The following MIPOL1 variants were observed in gnomAD, a reference collection of about 807,000 sequenced individuals.
The protein encoded by MIPOL1 is mirror-image polydactyly gene 1 protein.
MIPOL1 carries 57 observed loss-of-function variants against 60.9 expected under a neutral mutation model. The ratio of observed to expected loss-of-function variants is 0.94; its 90% CI spans 0.76 to 1.17. The LOEUF is 1.17. Ranked by LOEUF, MIPOL1 falls within the 50% of genes most tolerant of loss-of-function variation. MIPOL1 has a pLI of 0.00. For missense variants in MIPOL1, 551 were observed against 511.6 expected (o/e 1.08, Z -0.74); for synonymous variants, 179 against 168.8 (o/e 1.06, Z -0.47).
chr14:37,475,673 A>T (rs2094761401), intron 11 of MIPOL1, among the ~76,000 whole-genome samples: 2 of 152,106 alleles, frequency 1.3e-5, no homozygotes, highest in South Asian at 4.1e-4. Context: ...TTGTTGAAAA[A>T]AAAAGAAACT....
chr14:37,323,167 G>A (rs1428359194), intron 9 of MIPOL1, among the ~76,000 whole-genome samples: 2 of 152,050 alleles, frequency 1.3e-5, no homozygotes, highest in Admixed American at 1.3e-4. Context: ...GTGTAAAGAA[G>A]GCATCCAGTT....
intron 11 of MIPOL1, among the ~76,000 whole-genome samples, chr14:37,431,613 C>G (rs1405638664): frequency 2.0e-5 from 2 of 98,496 alleles, no homozygotes; most frequent in Admixed American, 3.4e-4. Flanking sequence ...GAGTCTTGCT[C>G]TGTCGCCCAG....
intron 7 of MIPOL1, among the ~76,000 whole-genome samples, chr14:37,299,026 T>C (rs1364398774): frequency 1.3e-5 from 2 of 151,866 alleles, no homozygotes; most frequent in Non-Finnish European, 1.5e-5. Flanking sequence ...CTATTCACAA[T>C]AGCAAAGACT....
rs148989239 is a variant in MIPOL1 at position 37,484,952 on chromosome 14, G to C, written c.1032-14956G>C. On this transcript the variant is annotated intron_variant, in intron 11 of 12. Coordinates refer to ENST00000684589, the MANE Select transcript of MIPOL1 (RefSeq NM_001388067.1). ...GGTGGTTTGCTGCACCCATCAACCC[G>C]TTACCTACATTAGGTATTTCTCCTA... Among the ~76,000 whole-genome samples, 1,049 of 152,056 alleles carry C rather than the reference G, an allele frequency of 6.9e-3. 11 individuals are homozygous for C. The highest frequency in any genetic ancestry group is 0.024 in the African/African-American group (1,009 of 41,486).
chr14:37,273,169 A>G (rs2083418227), intron 6 of MIPOL1, among the ~76,000 whole-genome samples: 2 of 151,212 alleles, frequency 1.3e-5, no homozygotes, highest in Admixed American at 1.3e-4. Flanking sequence ...CTTCATAACT[A>G]TTAAGTGAAA....
At chr14:37,474,195 T>C (rs1177091712) in intron 11 of MIPOL1, among the ~76,000 whole-genome samples, 2 of 152,216 alleles carry the variant, frequency 1.3e-5, no homozygotes, top group African/African-American at 4.8e-5. Flanking sequence ...GTTTCCAATC[T>C]AGGGAAATTA....
intron 10 of MIPOL1, among the ~76,000 whole-genome samples, chr14:37,371,475 C>T (rs965257985): frequency 2.1e-4 from 32 of 152,006 alleles, no homozygotes; most frequent in African/African-American, 7.5e-4. Flanking sequence ...TTTCTAGTTG[C>T]TCATTTTTTT....
At chr14:37,253,983 A>G (rs1049808161) in intron 3 of MIPOL1, among the ~76,000 whole-genome samples, 5 of 151,746 alleles carry the variant, frequency 3.3e-5, no homozygotes, top group Admixed American at 2.0e-4. Flanking sequence ...AAAGAAGAAC[A>G]TGTCTGAGAT....
chr14:37,442,374 G>C (rs1015085355), intron 11 of MIPOL1, among the ~76,000 whole-genome samples: 3 of 151,900 alleles, frequency 2.0e-5, no homozygotes, highest in Admixed American at 6.6e-5. Context: ...TCTTTCTCTT[G>C]CCTGATTGCT....
At chr14:37,498,725 G>T (rs1254014590) in intron 11 of MIPOL1, among the ~76,000 whole-genome samples, 1 of 152,124 alleles carries the variant, frequency 6.6e-6, no homozygotes, top group Non-Finnish European at 1.5e-5. Context: ...ATTCTTAGGG[G>T]TTTGAATCCT....
chr14:37,400,503 A>T (rs552613104), intron 10 of MIPOL1: 38 of 152,320 alleles, frequency 2.5e-4, no homozygotes, highest in African/African-American at 8.7e-4. Flanking sequence ...GTTGATAAGG[A>T]TAGTACAAAG....
rs2089174802 is a variant in MIPOL1 at position 37,326,491 on chromosome 14, G to A, written c.828+17972G>A. Among the ~76,000 whole-genome samples, 3 of 152,080 alleles carry A rather than the reference G, an allele frequency of 2.0e-5. No homozygotes were observed. In the South Asian group the frequency reaches 6.2e-4, roughly 32 times the overall value. On this transcript the variant is annotated intron_variant, in intron 9 of 12. Coordinates refer to ENST00000684589, the MANE Select transcript of MIPOL1 (RefSeq NM_001388067.1). ...AAGTGTCTATTCTAATAAGAAGAGAGCACAATCCTTTCTGTAATGGAAATG... is the reference window on the plus strand; with the variant it reads ...AAGTGTCTATTCTAATAAGAAGAGAACACAATCCTTTCTGTAATGGAAATG...
At chr14:37,453,800 C>T (rs993719030) in intron 11 of MIPOL1, among the ~76,000 whole-genome samples, 4 of 152,200 alleles carry the variant, frequency 2.6e-5, no homozygotes, top group Middle Eastern at 3.4e-3. Flanking sequence ...TAATCAAAAC[C>T]AATATTCTTT....
chr14:37,228,690 G>A (rs1343529472), intron 1 of MIPOL1, among the ~76,000 whole-genome samples: 1 of 151,972 alleles, frequency 6.6e-6, no homozygotes. Context: ...CTTCAGGTTG[G>A]GTTAAAGGTC....
intron 11 of MIPOL1, among the ~76,000 whole-genome samples, chr14:37,473,387 G>A (rs79934842): frequency 2.0e-5 from 3 of 151,416 alleles, no homozygotes; most frequent in East Asian, 1.9e-4. Context: ...AAACGACCCC[G>A]CCTCAGGTAT....
At chr14:37,360,437 C>G (rs1232467217) in intron 9 of MIPOL1, among the ~76,000 whole-genome samples, 2 of 152,086 alleles carry the variant, frequency 1.3e-5, no homozygotes, top group African/African-American at 2.4e-5. Flanking sequence ...CGGATGTGAT[C>G]CATCTAGTCC....
At chr14:37,451,971 C>T (rs1045461721) in intron 11 of MIPOL1, among the ~76,000 whole-genome samples, 2 of 150,868 alleles carry the variant, frequency 1.3e-5, no homozygotes, top group African/African-American at 2.5e-5. Context: ...CCCGCCATCA[C>T]GCCCGGCTAA....
At chr14:37,266,862 A>T in intron 3 of MIPOL1, 76 bp from the exon 4 acceptor site, 1 of 1,004,430 alleles carries the variant, frequency 1.0e-6, no homozygotes, top group South Asian at 1.5e-5. Context: ...TTCCAAAAAT[A>T]TTTATTTGAC....
chr14:37,336,929 T>A (rs2090169093), intron 9 of MIPOL1, among the ~76,000 whole-genome samples: 1 of 151,518 alleles, frequency 6.6e-6, no homozygotes, highest in South Asian at 2.1e-4. Context: ...CCCACCCAAT[T>A]TTTTGTATTT....
Sources: gnomAD v4.1 joint callset for allele counts (sites outside exome capture counted in the v4.1 genomes callset) on GRCh38, gnomAD v4.1.1 for gene constraint, MANE v1.5 for transcripts, NCBI Gene and HGNC (gene_info 2026-07-23, HGNC 2026-07-21) for gene names.